PLD5: variants seen among roughly 807,000 people sequenced by gnomAD.
The protein encoded by PLD5 is inactive phospholipase D5.
PLD5 carries 36 observed loss-of-function variants against 61.1 expected under a neutral mutation model. The ratio of observed to expected loss-of-function variants is 0.59; its 90% CI spans 0.45 to 0.78. The LOEUF (loss-of-function observed/expected upper bound fraction) is 0.78. PLD5 is among the 30% of genes least tolerant of loss of function. The pLI, the probability that PLD5 is intolerant of heterozygous loss-of-function variation, is 0.00. For synonymous variants in PLD5, 243 were observed against 242.8 expected, an observed-to-expected ratio of 1.00 and a Z score of -0.01; for missense variants, 515 against 644.4, an observed-to-expected ratio of 0.80 and a Z score of 2.17.
intron 2 of PLD5, among the ~76,000 whole-genome samples, chr1:242,299,499 C>G (rs1365611605): frequency 6.6e-6 from 1 of 152,126 alleles, no homozygotes; most frequent in African/African-American, 2.4e-5. Context: ...GTGATGAAGC[C>G]CAGATTTAAG....
At chr1:242,099,858 T>C (rs1413959018) in intron 9 of PLD5, among the ~76,000 whole-genome samples, 1 of 152,248 alleles carries the variant, frequency 6.6e-6, no homozygotes, top group African/African-American at 2.4e-5. Flanking sequence ...CTGTACAATG[T>C]AATCACTACA....
intron 4 of PLD5, among the ~76,000 whole-genome samples, chr1:242,252,891 AC>A (rs1672785679): frequency 7.1e-6 from 1 of 140,848 alleles, no homozygotes; most frequent in African/African-American, 2.7e-5. Flanking sequence ...ATCTCAGCTC[AC>A]TGCAACTTCC....
chr1:242,439,432 C>T (rs1233843366), intron 1 of PLD5, among the ~76,000 whole-genome samples: 1 of 152,136 alleles, frequency 6.6e-6, no homozygotes, highest in Non-Finnish European at 1.5e-5. Context: ...CTGGAAGGAG[C>T]CCACATCACT....
At chr1:242,215,043 A>ATTTT (rs34759131) in intron 5 of PLD5, among the ~76,000 whole-genome samples, 1 of 120,616 alleles carries the variant, frequency 8.3e-6, no homozygotes, top group Non-Finnish European at 1.7e-5. Context: ...TGCCTGGCCA[A>ATTTT]TTTTTTTTTT....
At chr1:242,420,955 G>A (rs145752531) in intron 1 of PLD5, among the ~76,000 whole-genome samples, 1,626 of 152,250 alleles carry the variant, frequency 0.011, 11 homozygotes, top group Non-Finnish European at 0.018. Flanking sequence ...GCCGAGCCAG[G>A]CGGATCACGA....
chr1:242,142,344 C>A lies in PLD5; in HGVS notation c.736-17679G>T, dbSNP rs117486402. Among the ~76,000 whole-genome samples, 278 of 152,298 alleles carry A rather than the reference C, an allele frequency of 1.8e-3. 6 individuals are homozygous for A. The East Asian group carries it at 0.046, about 25-fold the overall frequency. ...CTCTGTTTGCCTTTCTAAAAGAAAT[C>A]CTTCTTAATGGCTTTTTGATGAACC... On this transcript the variant is annotated intron_variant, in intron 5 of 9. Coordinates refer to ENST00000536534, the MANE Select transcript of PLD5 (RefSeq NM_001372062.1).
chr1:242,508,468 G>T (rs1229289100), intron 1 of PLD5, among the ~76,000 whole-genome samples: 5 of 152,118 alleles, frequency 3.3e-5, no homozygotes, highest in Non-Finnish European at 7.4e-5. Flanking sequence ...TTTCAGGGTT[G>T]CCATATTGAG....
At chr1:242,503,374 A>T (rs1166941156) in intron 1 of PLD5, among the ~76,000 whole-genome samples, 1 of 152,178 alleles carries the variant, frequency 6.6e-6, no homozygotes, top group Non-Finnish European at 1.5e-5. Flanking sequence ...CACCATGAGT[A>T]AAAGCTCCCT....
intron 5 of PLD5, among the ~76,000 whole-genome samples, chr1:242,150,065 T>A (rs1207293155): frequency 2.6e-5 from 4 of 151,790 alleles, no homozygotes; most frequent in Non-Finnish European, 5.9e-5. Context: ...ATATTCAATT[T>A]CCCTAAGATT....
At chr1:242,117,580 C>T (rs1662044359) in intron 6 of PLD5, among the ~76,000 whole-genome samples, 1 of 152,046 alleles carries the variant, frequency 6.6e-6, no homozygotes, top group African/African-American at 2.4e-5. Flanking sequence ...GGGGTTTCAC[C>T]ATCTTGGCCA....
At chr1:242,515,770 T>C (rs1228033289) in intron 1 of PLD5, among the ~76,000 whole-genome samples, 2 of 152,248 alleles carry the variant, frequency 1.3e-5, no homozygotes, top group Non-Finnish European at 2.9e-5. Context: ...TTTGTGTATA[T>C]GTCTTTCATT....
intron 5 of PLD5, among the ~76,000 whole-genome samples, chr1:242,157,534 G>T (rs1165481931): frequency 1.3e-5 from 2 of 152,102 alleles, no homozygotes; most frequent in African/African-American, 4.8e-5. Flanking sequence ...TTTGGATGGG[G>T]TCTCTGAGTG....
At chr1:242,231,725 A>G (rs1036671151) in intron 4 of PLD5, among the ~76,000 whole-genome samples, 15 of 152,350 alleles carry the variant, frequency 9.8e-5, no homozygotes, top group African/African-American at 3.6e-4. Context: ...ATCCAAAACA[A>G]TAATTCAATA....
At position 242,348,147 on chromosome 1, in the gene PLD5, A is replaced by T. The variant is rs768615886; in HGVS notation, c.285T>A (p.Asp95Glu). ...IFSAVDIMGE[D>E]EDGLSEKNCQ... ...AATTTTTTTCTGAGAGTCCATCCTC[A>T]TCCTCTCCCATGATGTCCACGGCTG... The change falls in exon 2 of 10, where the codon GAT becomes GAA. Residue 95 changes from aspartate to glutamate, a missense_variant. By Grantham distance (45) the Asp-to-Glu change is conservative. This residue lies in a region of PLD5 where 450 missense variants were observed against 598.1 expected (regional missense o/e 0.75). Coordinates refer to ENST00000536534, the MANE Select transcript of PLD5 (RefSeq NM_001372062.1). The T allele has an allele frequency of 6.2e-7, 1 of 1,613,862 alleles. No homozygotes were observed.
intron 1 of PLD5, among the ~76,000 whole-genome samples, chr1:242,435,916 CCT>C (rs1665973250): frequency 6.6e-6 from 1 of 152,182 alleles, no homozygotes; most frequent in African/African-American, 2.4e-5. Flanking sequence ...GAAAGGTAAG[CCT>C]CTGACTTATA....
intron 2 of PLD5, among the ~76,000 whole-genome samples, chr1:242,305,897 G>T (rs927110494): frequency 9.2e-5 from 14 of 152,168 alleles, no homozygotes; most frequent in Non-Finnish European, 1.8e-4. Flanking sequence ...AGGGTGTCTG[G>T]AGAGGAATGC....
intron 2 of PLD5, among the ~76,000 whole-genome samples, chr1:242,347,672 A>T (rs1660215540): frequency 6.6e-6 from 1 of 152,332 alleles, no homozygotes; most frequent in East Asian, 1.9e-4. Flanking sequence ...GTGTCTTCTC[A>T]TCGACACACT....
At chr1:242,479,684 A>T (rs1251281105) in intron 1 of PLD5, among the ~76,000 whole-genome samples, 1 of 152,182 alleles carries the variant, frequency 6.6e-6, no homozygotes, top group African/African-American at 2.4e-5. Context: ...GCTAAAATAT[A>T]TATAAAATGA....
chr1:242,202,476 T>A (rs1248578072), intron 5 of PLD5, among the ~76,000 whole-genome samples: 1 of 152,172 alleles, frequency 6.6e-6, no homozygotes, highest in Non-Finnish European at 1.5e-5. Context: ...TACAGCCTTG[T>A]CATGCCAGAC....
Sources: allele counts gnomAD v4.1 joint callset (sites outside exome capture counted in the v4.1 genomes callset), GRCh38; gene constraint gnomAD v4.1.1; regional missense constraint gnomAD v4.1.1; transcripts MANE v1.5; gene names NCBI Gene and HGNC (gene_info 2026-07-23, HGNC 2026-07-21).